Variants in SLURP1 observed in about 807,000 individuals in gnomAD.
The protein encoded by SLURP1 is secreted Ly-6/uPAR-related protein 1.
SLURP1 carries 2 observed loss-of-function variants against 7.9 expected under a neutral mutation model. The ratio of observed to expected loss-of-function variants is 0.25; its 90% CI spans 0.10 to 0.79. SLURP1 has a LOEUF of 0.79. Ranked by LOEUF, SLURP1 falls within the 30% of genes least tolerant of loss-of-function variation. SLURP1 has a pLI of 0.69. For synonymous variants in SLURP1, 59 were observed against 54.9 expected (o/e 1.07, Z -0.33); for missense variants, 111 against 139.8 (o/e 0.79, Z 1.04).
In SLURP1 at chr8:142,741,179, G is replaced by A. The variant is rs1815860939; in HGVS notation, c.276C>T (p.Phe92=). 6.2e-7 allele frequency: 1 copy of A among 1,609,132 alleles called. No individual in the cohort carries two copies. Among genetic ancestry groups the A allele is most frequent in the Non-Finnish European group, 8.5e-7 (1 of 1,179,970 alleles). ...PDSIGAAHLI[F]CCFRDLCNSE... is the part of the protein sequence containing the mutation. ...AGTTGCAGAGGTCTCGGAAGCAGCA[G>A]AAGATCAGGTGGGCGGCCCCGATGC... Residue 92 remains phenylalanine, a synonymous_variant, in exon 3 of 3, where the codon TTC becomes TTT. Coordinates refer to ENST00000246515, the MANE Select transcript of SLURP1 (RefSeq NM_020427.3). This position sits in a 1 kb window ranked among gnomAD's most constrained non-coding sequence, Gnocchi z 4.3.
At position 142,741,065 on chromosome 8, in the gene SLURP1, G is replaced by A; in HGVS notation, c.*78C>T. 6.3e-7 allele frequency: 1 copy of A among 1,587,292 alleles called. No individual in the cohort carries two copies. The highest frequency in any genetic ancestry group is 8.5e-7 in the Non-Finnish European group (1 of 1,170,252). ...TGTGCCACAGCAGCAGGAAGCAGGG[G>A]GAGGTGATCACAGGTGGAGCCAGGC... On this transcript the variant is annotated 3_prime_UTR_variant, in exon 3 of 3. Transcript: ENST00000246515. The surrounding 1 kb of genome is among the most constrained non-coding windows in gnomAD (Gnocchi z 4.3).
chr8:142,742,231 G>T, intron 1 of SLURP1, 97 bp downstream of exon 1: 1 of 1,326,826 alleles, frequency 7.5e-7, no homozygotes, highest in Non-Finnish European at 1.1e-6. Flanking sequence ...GCCTAAGGAG[G>T]CTCTCAGCCA....
rs1815855956 is a variant in SLURP1 at position 142,741,072 on chromosome 8, A to T, written c.*71T>A. 1.9e-6 allele frequency: 3 copies of T among 1,594,678 alleles called. No individual in the cohort carries two copies. In the Admixed American group the frequency reaches 5.0e-5, roughly 27 times the overall value. On this transcript the variant is annotated 3_prime_UTR_variant, in exon 3 of 3. Transcript: ENST00000246515. The surrounding 1 kb of genome is among the most constrained non-coding windows in gnomAD (Gnocchi z 4.3). ...CAGCAGCAGGAAGCAGGGGGAGGTGATCACAGGTGGAGCCAGGCCCCGTCA... is the reference window on the plus strand; with the variant it reads ...CAGCAGCAGGAAGCAGGGGGAGGTGTTCACAGGTGGAGCCAGGCCCCGTCA...
In SLURP1 at chr8:142,741,031, T is replaced by G; in HGVS notation, c.*112A>C. 2.0e-6 allele frequency: 3 copies of G among 1,513,134 alleles called. No homozygotes were observed. Among genetic ancestry groups the G allele is most frequent in the Non-Finnish European group, 2.7e-6 (3 of 1,107,226 alleles). The allele number at this position is 1,513,134 out of a possible 1,614,324, so 93.7% of individuals were successfully genotyped here. A position where few individuals can be genotyped will look rare whatever the true frequency, so the allele number is the denominator to read the frequency against. ...TGTGCTTCTCTCCCCTCAGACCCCA[T>G]GAGTGAGCTGTGCCACAGCAGCAGG... is the stretch of plus-strand genomic sequence containing the variant. On this transcript the variant is annotated 3_prime_UTR_variant, in exon 3 of 3. Coordinates refer to ENST00000246515, the MANE Select transcript of SLURP1 (RefSeq NM_020427.3). This position sits in a 1 kb window ranked among gnomAD's most constrained non-coding sequence, Gnocchi z 4.3.
At chr8:142,742,069 C>G in intron 1 of SLURP1, 147 bp from the exon 2 acceptor site, 1 of 1,327,486 alleles carries the variant, frequency 7.5e-7, no homozygotes, top group Non-Finnish European at 1.0e-6. Flanking sequence ...CTTTCTCTAA[C>G]TGAGCTGAGC....
rs587695296 is a variant in SLURP1, at chr8:142,741,659, C to T, written c.178+144G>A. On this transcript the variant is annotated intron_variant, in intron 2 of 2. Transcript: ENST00000246515. The surrounding 1 kb of genome is among the most constrained non-coding windows in gnomAD (Gnocchi z 4.3). Reference sequence around the variant, plus strand: ...GGCTGTGCCACCCTCGTGGAAGGCACCCCTGCCAAGGTGTGGCAGCCTGTT... The same window carrying T: ...GGCTGTGCCACCCTCGTGGAAGGCATCCCTGCCAAGGTGTGGCAGCCTGTT... The T allele has an allele frequency of 1.1e-5, 15 of 1,354,896 alleles. No homozygotes were observed. The highest frequency in any genetic ancestry group is 1.0e-4 in the African/African-American group (7 of 70,306). 83.9% of individuals were successfully genotyped at this position (1,354,896 alleles called of 1,614,324 possible). A position where few individuals can be genotyped will look rare whatever the true frequency, so the allele number is the denominator to read the frequency against.
In SLURP1 at chr8:142,741,203, G is replaced by A. The variant is rs1815861701; in HGVS notation, c.252C>T (p.Ser84=). ...SSSCVATDPD[S]IGAAHLIFCC... is the part of the protein sequence containing the mutation. ...AGAAGATCAGGTGGGCGGCCCCGAT[G>A]CTGTCGGGGTCGGTGGCCACACAGG... is the stretch of plus-strand genomic sequence containing the variant. Residue 84 remains serine (S), a synonymous_variant, in exon 3 of 3, where the codon AGC becomes AGT. Coordinates refer to ENST00000246515, the MANE Select transcript of SLURP1 (RefSeq NM_020427.3). This position sits in a 1 kb window ranked among gnomAD's most constrained non-coding sequence, Gnocchi z 4.3. 1 of 1,610,224 alleles carries A rather than the reference G, an allele frequency of 6.2e-7. No homozygotes were observed. Among genetic ancestry groups the A allele is most frequent in the Non-Finnish European group, 8.5e-7 (1 of 1,179,950 alleles).
chr8:142,741,091 C>T lies in SLURP1; in HGVS notation c.*52G>A. 6.3e-7 allele frequency: 1 copy of T among 1,598,376 alleles called. No homozygotes were observed. Among genetic ancestry groups the T allele is most frequent in the Admixed American group, 1.7e-5 (1 of 59,990 alleles). The stretch of plus-strand genomic sequence containing the variant: ...GAGGTGATCACAGGTGGAGCCAGGC[C>T]CCGTCAGAGAGGAGGTGCCTGAGGA... On this transcript the variant is annotated 3_prime_UTR_variant, in exon 3 of 3. Transcript: ENST00000246515. This position sits in a 1 kb window ranked among gnomAD's most constrained non-coding sequence, Gnocchi z 4.3.
chr8:142,741,685 C>T lies in SLURP1; in HGVS notation c.178+118G>A, dbSNP rs1251453136. The T allele has an allele frequency of 3.3e-6, 5 of 1,517,582 alleles. No homozygotes were observed. The highest frequency in any genetic ancestry group is 1.4e-5 in the African/African-American group (1 of 73,540). The allele number at this position is 1,517,582 out of a possible 1,614,324, so 94.0% of individuals were successfully genotyped here. The stretch of plus-strand genomic sequence containing the variant: ...CCCTGCCAAGGTGTGGCAGCCTGTT[C>T]TGCCCATCCCACCTGCTGCCTTTTG... On this transcript the variant is annotated intron_variant, in intron 2 of 2. Coordinates refer to ENST00000246515, the MANE Select transcript of SLURP1 (RefSeq NM_020427.3). The surrounding 1 kb of genome is among the most constrained non-coding windows in gnomAD (Gnocchi z 4.3).
In SLURP1 at chr8:142,741,960, C is replaced by G. The variant is rs1326666669; in HGVS notation, c.59-38G>C. Reference sequence around the variant, plus strand: ...TGGGGGCAGAACCTCATCACCTGACCTCGGTGGCCTCATCCTGGAACCAGG... The same window carrying G: ...TGGGGGCAGAACCTCATCACCTGACGTCGGTGGCCTCATCCTGGAACCAGG... On this transcript the variant is annotated intron_variant, in intron 1 of 2. Coordinates refer to ENST00000246515, the MANE Select transcript of SLURP1 (RefSeq NM_020427.3). The surrounding 1 kb of genome is among the most constrained non-coding windows in gnomAD (Gnocchi z 4.3). 6.2e-7 allele frequency: 1 copy of G among 1,606,396 alleles called. No individual in the cohort carries two copies. Among genetic ancestry groups the G allele is most frequent in the African/African-American group, 1.3e-5 (1 of 74,926 alleles).
At position 142,740,950 on chromosome 8, in the gene SLURP1, C is replaced by T; in HGVS notation, c.*193G>A. On this transcript the variant is annotated 3_prime_UTR_variant, in exon 3 of 3. Coordinates refer to ENST00000246515, the MANE Select transcript of SLURP1 (RefSeq NM_020427.3). ...AGGAAGGACAAAAGTCATGTCCACTCTTGGCTTAGTTATGTTTTATAAGCG... is the reference window on the plus strand; with the variant it reads ...AGGAAGGACAAAAGTCATGTCCACTTTTGGCTTAGTTATGTTTTATAAGCG... 2.6e-6 allele frequency: 2 copies of T among 770,640 alleles called. No individual in the cohort carries two copies. Among genetic ancestry groups the T allele is most frequent in the South Asian group, 3.4e-5 (2 of 59,536 alleles). 47.7% of individuals were successfully genotyped at this position (770,640 alleles called of 1,614,324 possible). A position where few individuals can be genotyped will look rare whatever the true frequency, so the allele number is the denominator to read the frequency against.
Position 142,742,323 on chromosome 8 carries a change from C to A in SLURP1, c.58+5G>T. 1.2e-6 allele frequency: 2 copies of A among 1,612,930 alleles called. No homozygotes were observed. Among genetic ancestry groups the A allele is most frequent in the African/African-American group, 2.7e-5 (2 of 75,068 alleles). On this transcript the variant is annotated splice_donor_5th_base_variant and intron_variant, in intron 1 of 2. Coordinates refer to ENST00000246515, the MANE Select transcript of SLURP1 (RefSeq NM_020427.3). ...AGGGTCCCCACCAGCCTGCGGCCCA[C>A]TCACCACAGCCCATGCTCCAGGCTG... is the stretch of plus-strand genomic sequence containing the variant.
At chr8:142,742,028 C>T (rs776755983) in intron 1 of SLURP1, 106 bp from the exon 2 acceptor site, 25 of 1,547,984 alleles carry the variant, frequency 1.6e-5, no homozygotes, top group Admixed American at 5.5e-5. Context: ...TTCAAGGCCC[C>T]GGGCAGCCCT....
chr8:142,741,422 G>T lies in SLURP1; in HGVS notation c.179-146C>A. 1 of 1,143,776 alleles carries T rather than the reference G, an allele frequency of 8.7e-7. No homozygotes were observed. The highest frequency in any genetic ancestry group is 1.2e-6 in the Non-Finnish European group (1 of 823,416). 70.9% of individuals were successfully genotyped at this position (1,143,776 alleles called of 1,614,324 possible). On this transcript the variant is annotated intron_variant, in intron 2 of 2. Coordinates refer to ENST00000246515, the MANE Select transcript of SLURP1 (RefSeq NM_020427.3). This position sits in a 1 kb window ranked among gnomAD's most constrained non-coding sequence, Gnocchi z 4.3. ...CATCTGTGAAGCCACCCAGGGCCCA[G>T]CCCTCCTCTGACTGTGACCTGTTCA...
Position 142,741,243 on chromosome 8 carries a change from C to T in SLURP1, c.212G>A (p.Arg71His), listed in dbSNP as rs1448017161. The change falls in exon 3 of 3, where the codon CGC (arginine) becomes CAC (histidine). Residue 71 changes from arginine to histidine, a missense_variant. Physicochemically the swap from Arg to His is conservative, Grantham distance 29 (BLOSUM62 0). Transcript: ENST00000246515. The surrounding 1 kb of genome is among the most constrained non-coding windows in gnomAD (Gnocchi z 4.3). ...GGCCACACAGGAGCTGGAGCAGGAG[C>T]GGGTCACCACGGGGCTCTGGTTGAA... ...YPFNQSPVVT[R>H]SCSSSCVATD... 8.7e-6 allele frequency: 14 copies of T among 1,607,366 alleles called. No homozygotes were observed. The highest frequency in any genetic ancestry group is 1.1e-5 in the South Asian group (1 of 90,666).
At position 142,742,353 on chromosome 8, in the gene SLURP1, G is replaced by T. The variant is rs373353823; in HGVS notation, c.33C>A (p.Leu11=). ...CACAGCCCATGCTCCAGGCTGCCAC[G>T]AGCAGCAGCTGCACAGCCCAGCGAG... MASRWAVQLL[L]VAAWSMGCGE... Residue 11 remains leucine (L), a synonymous_variant, in exon 1 of 3, where the codon CTC becomes CTA. Coordinates refer to ENST00000246515, the MANE Select transcript of SLURP1 (RefSeq NM_020427.3). The T allele has an allele frequency of 6.2e-7, 1 of 1,612,976 alleles. No homozygotes were observed. Among genetic ancestry groups the T allele is most frequent in the African/African-American group, 1.3e-5 (1 of 75,062 alleles).
chr8:142,741,385 C>A lies in SLURP1; in HGVS notation c.179-109G>T, dbSNP rs1563825805. 1.4e-6 allele frequency: 2 copies of A among 1,427,812 alleles called. No homozygotes were observed. Among genetic ancestry groups the A allele is most frequent in the Non-Finnish European group, 9.3e-7 (1 of 1,069,792 alleles). The allele number at this position is 1,427,812 out of a possible 1,614,324, so 88.4% of individuals were successfully genotyped here. On this transcript the variant is annotated intron_variant, in intron 2 of 2. Coordinates refer to ENST00000246515, the MANE Select transcript of SLURP1 (RefSeq NM_020427.3). This position sits in a 1 kb window ranked among gnomAD's most constrained non-coding sequence, Gnocchi z 4.3. ...CCTCACCCTCCCTGTGATCCCTGTT[C>A]CCAATAGTCCACATCTGTGAAGCCA...
chr8:142,742,028 C>G (rs776755983), intron 1 of SLURP1, 106 bp from the exon 2 acceptor site: 4 of 1,547,986 alleles, frequency 2.6e-6, no homozygotes, highest in Non-Finnish European at 3.5e-6. Context: ...TTCAAGGCCC[C>G]GGGCAGCCCT....
Position 142,741,719 on chromosome 8 carries a change from G to A in SLURP1, c.178+84C>T, listed in dbSNP as rs1815871553. On this transcript the variant is annotated intron_variant, in intron 2 of 2. Coordinates refer to ENST00000246515, the MANE Select transcript of SLURP1 (RefSeq NM_020427.3). This position sits in a 1 kb window ranked among gnomAD's most constrained non-coding sequence, Gnocchi z 4.3. ...CCACCTGCTGCCTTTTGGGCCGGGAGGAGCACCAGCAAAGGAGGGAGGCAC... is the reference window on the plus strand; with the variant it reads ...CCACCTGCTGCCTTTTGGGCCGGGAAGAGCACCAGCAAAGGAGGGAGGCAC... 4.4e-6 allele frequency: 7 copies of A among 1,593,248 alleles called. No homozygotes were observed. The highest frequency in any genetic ancestry group is 3.4e-6 in the Non-Finnish European group (4 of 1,175,560).
Sources: gnomAD v4.1 joint callset for allele counts on GRCh38, gnomAD v4.1.1 for gene constraint, Gnocchi (gnomAD v3.1) non-coding constraint, MANE v1.5 for transcripts, NCBI Gene and HGNC (gene_info 2026-07-23, HGNC 2026-07-21) for gene names.